The following DOCK4 variants were observed in gnomAD, a reference collection of about 807,000 sequenced individuals.
The protein encoded by DOCK4 is dedicator of cytokinesis 4, also known as dedicator of cytokinesis protein 4.
DOCK4 carries 97 observed loss-of-function variants against 268.1 expected under a neutral mutation model. That is an observed-to-expected ratio of 0.36 (90% confidence interval 0.31 to 0.43). The LOEUF (loss-of-function observed/expected upper bound fraction) is 0.43, where lower values mean the gene tolerates loss of function less well. Ranked by LOEUF, DOCK4 falls within the 20% of genes least tolerant of loss-of-function variation. DOCK4 has a pLI of 1.00. For synonymous variants in DOCK4, 954 were observed against 887.2 expected, an observed-to-expected ratio of 1.08 and a Z score of -1.34; for missense variants, 2,145 against 2,455.7, an observed-to-expected ratio of 0.87 and a Z score of 2.67.
chr7:111,840,961 T>C (rs1177696737), intron 25 of DOCK4: 11 of 603,376 alleles, frequency 1.8e-5, no homozygotes, highest in Non-Finnish European at 1.9e-5. Context: ...TTTCTCGCCA[T>C]AGAATTATTA....
intron 1 of DOCK4, among the ~76,000 whole-genome samples, chr7:112,175,016 C>T (rs562672853): frequency 1.1e-4 from 16 of 148,740 alleles, no homozygotes; most frequent in African/African-American, 3.7e-4. Flanking sequence ...TCTTGGCTCA[C>T]TGAAACCTGG....
chr7:112,142,954 A>G lies in DOCK4; in HGVS notation c.37+63148T>C, dbSNP rs112944940. ...GACATTAGGTTGTACCTGGAAACAAAGAACTTTGTACATGTGTCTTTTTAT... is the reference window on the plus strand; with the variant it reads ...GACATTAGGTTGTACCTGGAAACAAGGAACTTTGTACATGTGTCTTTTTAT... On this transcript the variant is annotated intron_variant, in intron 1 of 52. Transcript: ENST00000428084. Among the ~76,000 whole-genome samples, 973 of 152,272 alleles carry G rather than the reference A, an allele frequency of 6.4e-3. 9 individuals carry two copies. Among genetic ancestry groups the G allele is most frequent in the African/African-American group, 0.022 (921 of 41,558 alleles).
intron 30 of DOCK4, chr7:111,801,856 ATTT>A: frequency 2.3e-5 from 3 of 132,820 alleles, no homozygotes; most frequent in Admixed American, 7.6e-5. Context: ...CGCTGGGCTA[ATTT>A]TTTTTTTTTT....
chr7:111,905,562 G>A (rs1168187248), intron 13 of DOCK4, among the ~76,000 whole-genome samples: 1 of 152,172 alleles, frequency 6.6e-6, no homozygotes, highest in Non-Finnish European at 1.5e-5. Flanking sequence ...GTTGAAAACT[G>A]TAATCCTTGT....
At chr7:112,033,324 A>G (rs1288560300) in intron 1 of DOCK4, among the ~76,000 whole-genome samples, 2 of 152,148 alleles carry the variant, frequency 1.3e-5, no homozygotes, top group Non-Finnish European at 2.9e-5. Flanking sequence ...AAAAAGCACA[A>G]AACTTCAAAT....
intron 1 of DOCK4, among the ~76,000 whole-genome samples, chr7:112,149,092 C>A (rs1340467105): frequency 6.6e-6 from 1 of 152,134 alleles, no homozygotes; most frequent in African/African-American, 2.4e-5. Flanking sequence ...GTTAACACAT[C>A]TCTTTTTGGC....
intron 1 of DOCK4, among the ~76,000 whole-genome samples, chr7:112,194,389 T>C (rs1820236890): frequency 6.6e-6 from 1 of 152,150 alleles, no homozygotes; most frequent in Admixed American, 6.5e-5. Flanking sequence ...AAAGAGCAAT[T>C]AGAGCTCCCT....
intron 1 of DOCK4, among the ~76,000 whole-genome samples, chr7:112,091,214 A>G (rs568949998): frequency 2.0e-5 from 3 of 152,196 alleles, no homozygotes; most frequent in Non-Finnish European, 4.4e-5. Flanking sequence ...CGCAGACATA[A>G]TTAAGATACA....
Position 111,788,744 on chromosome 7 carries a change from C to A in DOCK4, c.3319G>T (p.Glu1107Ter). 1 of 1,585,326 alleles carries A rather than the reference C, an allele frequency of 6.3e-7. No individual in the cohort carries two copies. The highest frequency in any genetic ancestry group is 8.6e-7 in the Non-Finnish European group (1 of 1,163,930). ...TCCAGTTTGTCAATTAGCTTGGCTT[C>A]CACCTGAAACATACCCAACTATTAT... ...QRRSGNFKQV[E>*]AKLIDKLDSL... The change falls in exon 32 of 53, where the codon GAA becomes TAA. Residue 1107 changes from glutamate (E) to a stop codon, truncating the protein, a stop_gained. Transcript: ENST00000428084. LOFTEE classifies it high-confidence loss of function.
chr7:112,085,140 C>G (rs1808959650), intron 1 of DOCK4, among the ~76,000 whole-genome samples: 1 of 152,084 alleles, frequency 6.6e-6, no homozygotes, highest in Non-Finnish European at 1.5e-5. Context: ...CTTTTCTCCT[C>G]AAAATGAAGA....
chr7:111,863,349 T>C (rs1805708595), intron 23 of DOCK4, 23 bp downstream of exon 23: 1 of 1,613,740 alleles, frequency 6.2e-7, no homozygotes, highest in Non-Finnish European at 8.5e-7. Flanking sequence ...GAGGCACAAT[T>C]TCCTCCAAGA....
chr7:111,928,036 T>C (rs1489973704), intron 12 of DOCK4, among the ~76,000 whole-genome samples: 1 of 152,222 alleles, frequency 6.6e-6, no homozygotes, highest in Non-Finnish European at 1.5e-5. Context: ...TACAACTCCC[T>C]GTTCTTCATC....
intron 1 of DOCK4, among the ~76,000 whole-genome samples, chr7:112,059,241 C>G (rs781059832): frequency 2.1e-5 from 3 of 139,720 alleles, no homozygotes; most frequent in Non-Finnish European, 3.0e-5. Flanking sequence ...CTCCCAAGTT[C>G]AAGTAATTCT....
At chr7:111,906,688 G>A (rs1393650186) in intron 13 of DOCK4, among the ~76,000 whole-genome samples, 2 of 152,084 alleles carry the variant, frequency 1.3e-5, no homozygotes, top group African/African-American at 4.8e-5. Flanking sequence ...ATCAGGGTGG[G>A]TCCAATATAA....
chr7:111,728,420 T>A lies in DOCK4; in HGVS notation c.5782A>T (p.Ser1928Cys), dbSNP rs1411387326. 6.3e-7 allele frequency: 1 copy of A among 1,581,712 alleles called. No individual in the cohort carries two copies. Among genetic ancestry groups the A allele is most frequent in the East Asian group, 2.2e-5 (1 of 44,598 alleles). Residue 1928 changes from serine to cysteine, a missense_variant, in exon 53 of 53, where the codon AGC becomes TGC. Ser to Cys is a moderately radical substitution (Grantham distance 112). Around this residue, in one of 2 missense-constraint regions of DOCK4, gnomAD observed 547 missense variants for 469.0 expected, o/e 1.17. Coordinates refer to ENST00000428084, the MANE Select transcript of DOCK4 (RefSeq NM_001363540.2). ...TLRRPVPLPH[S>C]LSIPVTSEPP... ...TCCGACGTGACGGGGATGGAGAGGC[T>A]GTGAGGTAGCGGGACGGGGCGCCGC...
At chr7:111,840,693 A>G (rs1434733650) in intron 25 of DOCK4, 2 of 701,996 alleles carry the variant, frequency 2.8e-6, no homozygotes, top group South Asian at 2.3e-5. Context: ...GAGGCTGGGT[A>G]ACAATCATGG....
At chr7:112,036,998 A>G (rs1203643461) in intron 1 of DOCK4, among the ~76,000 whole-genome samples, 1 of 152,146 alleles carries the variant, frequency 6.6e-6, no homozygotes, top group Non-Finnish European at 1.5e-5. Flanking sequence ...AAAGCAATAC[A>G]CACTGACAGT....
chr7:112,075,593 C>A (rs1807989270), intron 1 of DOCK4, among the ~76,000 whole-genome samples: 1 of 152,154 alleles, frequency 6.6e-6, no homozygotes, highest in Non-Finnish European at 1.5e-5. Flanking sequence ...GGGCCATACT[C>A]ATTGGCAACA....
intron 42 of DOCK4, 26 bp downstream of exon 42, chr7:111,755,489 G>C (rs771473911): frequency 2.5e-6 from 4 of 1,608,730 alleles, no homozygotes; most frequent in Non-Finnish European, 3.4e-6. Flanking sequence ...ATGAGAAAGT[G>C]CTTGAGAACA....
Sources: gnomAD v4.1 joint callset for allele counts (sites outside exome capture counted in the v4.1 genomes callset) on GRCh38, gnomAD v4.1.1 for gene constraint, gnomAD v4.1.1 regional missense constraint, MANE v1.5 for transcripts, NCBI Gene and HGNC (gene_info 2026-07-23, HGNC 2026-07-21) for gene names.